Variants in FBXW11 observed in about 807,000 individuals in gnomAD.
FBXW11 encodes F-box and WD repeat domain containing 11.
In FBXW11, 19 loss-of-function variants were observed where a neutral mutation model predicts 77.6. That is an observed-to-expected ratio of 0.24 (90% CI 0.17 to 0.36). FBXW11 has a LOEUF of 0.36. Among genes scored for constraint, FBXW11 ranks in the 10% least tolerant of loss-of-function variants. The pLI is 1.00. For synonymous variants in FBXW11, 235 were observed against 249.4 expected (o/e 0.94, Z 0.54); for missense variants, 334 against 704.2 (o/e 0.47, Z 5.95).
chr5:171,865,243 AC>A (rs1757312200), intron 13 of FBXW11, among the ~76,000 whole-genome samples: 1 of 151,922 alleles, frequency 6.6e-6, no homozygotes, highest in Non-Finnish European at 1.5e-5. Flanking sequence ...GGGCAAAATG[AC>A]CTACATACGC....
intron 1 of FBXW11, among the ~76,000 whole-genome samples, chr5:171,982,356 G>A (rs1031334688): frequency 1.8e-4 from 25 of 141,900 alleles, no homozygotes; most frequent in African/African-American, 1.8e-4. Context: ...TGCAACCTCC[G>A]CCTCCTGGCT....
chr5:171,981,642 C>T (rs561483765), intron 1 of FBXW11, among the ~76,000 whole-genome samples: 1 of 152,264 alleles, frequency 6.6e-6, no homozygotes, highest in East Asian at 1.9e-4. Flanking sequence ...ATGATGTTAG[C>T]GTATAGAAAA....
intron 7 of FBXW11, among the ~76,000 whole-genome samples, chr5:171,878,668 T>C (rs1216996737): frequency 6.6e-6 from 1 of 151,250 alleles, no homozygotes; most frequent in Non-Finnish European, 1.5e-5. Flanking sequence ...TGTGTGCCTG[T>C]AGTCCCAACT....
chr5:171,873,031 G>A (rs1292204030), intron 9 of FBXW11, 41 bp from the exon 10 acceptor site: 4 of 1,504,038 alleles, frequency 2.7e-6, no homozygotes, highest in Non-Finnish European at 3.7e-6. Context: ...ATGAACACAG[G>A]AAAGTCCTCT....
chr5:171,910,753 T>A lies in FBXW11; in HGVS notation c.255A>T (p.Pro85=). Residue 85 remains proline, a synonymous_variant, in exon 4 of 14, where the codon CCA becomes CCT. Transcript: ENST00000517395. Reference sequence around the variant, plus strand: ...TTTCTTTTTGATAGTTTCCTTCTGATGGCCTCTTTCTGGAGACGATCACAG... The same window carrying A: ...TTTCTTTTTGATAGTTTCCTTCTGAAGGCCTCTTTCTGGAGACGATCACAG... The part of the protein sequence containing the change: ...TSSVIVSRKR[P]SEGNYQKEKD... 1 of 1,613,454 alleles carries A rather than the reference T, an allele frequency of 6.2e-7. No homozygotes were observed. The highest frequency in any genetic ancestry group is 8.5e-7 in the Non-Finnish European group (1 of 1,179,758).
intron 13 of FBXW11, among the ~76,000 whole-genome samples, chr5:171,865,809 TAG>T (rs1231741152): frequency 2.0e-5 from 3 of 152,230 alleles, no homozygotes; most frequent in African/African-American, 7.2e-5. Flanking sequence ...ACTCCGCAGA[TAG>T]ATCTACTGCT....
chr5:171,921,399 A>G (rs890242251), intron 2 of FBXW11, among the ~76,000 whole-genome samples: 3 of 152,218 alleles, frequency 2.0e-5, no homozygotes, highest in Admixed American at 1.3e-4. Context: ...TAAGAGTCAC[A>G]CAGCTAGTAA....
intron 2 of FBXW11, among the ~76,000 whole-genome samples, chr5:171,953,490 G>C (rs559795248): frequency 6.6e-6 from 1 of 152,086 alleles, no homozygotes; most frequent in Admixed American, 6.6e-5. Flanking sequence ...TAGACAGACC[G>C]ACCCTGAACA....
chr5:171,987,577 G>A (rs576683982), intron 1 of FBXW11, among the ~76,000 whole-genome samples: 16 of 151,862 alleles, frequency 1.1e-4, no homozygotes, highest in Non-Finnish European at 1.0e-4. Context: ...TCAGCCTCCC[G>A]AGCAGCTGGG....
chr5:171,899,804 T>C, intron 5 of FBXW11, 110 bp downstream of exon 5: 1 of 1,001,214 alleles, frequency 1.0e-6, no homozygotes, highest in Non-Finnish European at 1.5e-6. Context: ...TTTTCCCCCC[T>C]TTTTAAAAAT....
At chr5:171,892,216 A>G (rs1759396772) in intron 6 of FBXW11, among the ~76,000 whole-genome samples, 1 of 152,260 alleles carries the variant, frequency 6.6e-6, no homozygotes, top group Non-Finnish European at 1.5e-5. Context: ...TAAAAAGATC[A>G]ACAGGAGACA....
At chr5:171,945,905 T>C (rs1482016259) in intron 2 of FBXW11, among the ~76,000 whole-genome samples, 2 of 152,222 alleles carry the variant, frequency 1.3e-5, no homozygotes, top group African/African-American at 4.8e-5. Flanking sequence ...TCCAATCTGC[T>C]TGTGATGGTT....
intron 2 of FBXW11, among the ~76,000 whole-genome samples, chr5:171,955,028 GGA>G (rs1313238959): frequency 6.6e-6 from 1 of 152,150 alleles, no homozygotes; most frequent in African/African-American, 2.4e-5. Context: ...TCAGAAAATT[GGA>G]GATAAGAACA....
chr5:171,951,696 G>A (rs746301405), intron 2 of FBXW11, among the ~76,000 whole-genome samples: 1 of 152,000 alleles, frequency 6.6e-6, no homozygotes, highest in Non-Finnish European at 1.5e-5. Context: ...TCACCATGTT[G>A]GTGACCTCAG....
chr5:171,939,259 CA>C (rs1262603427), intron 2 of FBXW11, among the ~76,000 whole-genome samples: 1 of 151,648 alleles, frequency 6.6e-6, no homozygotes, highest in Non-Finnish European at 1.5e-5. Flanking sequence ...CAAAAATAAA[CA>C]AAAACTGAGA....
chr5:171,930,772 A>AT lies in FBXW11; in HGVS notation c.148-16368_148-16367insA, dbSNP rs1762150003. 3.3e-5 allele frequency among the ~76,000 whole-genome samples: 5 copies of AT among 149,974 alleles called. No homozygotes were observed. In the South Asian group the frequency reaches 1.0e-3, roughly 31 times the overall value. On this transcript the variant is annotated intron_variant, in intron 2 of 13. Coordinates refer to ENST00000517395, the MANE Select transcript of FBXW11 (RefSeq NM_001378974.1). ...TAAAAAATAAAAAAATAAAAAAAAA[A>AT]AAAAGAAAAACTGAAAGAATTAACA...
chr5:171,880,559 G>A lies in FBXW11; in HGVS notation c.853-2430C>T, dbSNP rs559301284. On this transcript the variant is annotated intron_variant, in intron 7 of 13. Transcript: ENST00000517395. Reference sequence around the variant, plus strand: ...TCCTCACAATAGTCTTCCTACCCATGAGCATGAAATATCTCTCCCCATTTA... The same window carrying A: ...TCCTCACAATAGTCTTCCTACCCATAAGCATGAAATATCTCTCCCCATTTA... 9.2e-5 allele frequency among the ~76,000 whole-genome samples: 14 copies of A among 152,326 alleles called. 1 individual carries two copies. Among genetic ancestry groups the A allele is most frequent in the Middle Eastern group, 3.4e-3 (1 of 294 alleles).
At chr5:171,931,613 T>C (rs1167604540) in intron 2 of FBXW11, among the ~76,000 whole-genome samples, 1 of 152,228 alleles carries the variant, frequency 6.6e-6, no homozygotes, top group Non-Finnish European at 1.5e-5. Flanking sequence ...CTTAGGTTTG[T>C]TGATTACTTT....
chr5:171,941,162 T>A (rs1762734197), intron 2 of FBXW11, among the ~76,000 whole-genome samples: 1 of 152,178 alleles, frequency 6.6e-6, no homozygotes, highest in African/African-American at 2.4e-5. Context: ...GACATTTCCT[T>A]ACTCAAGTGA....
Sources: gnomAD v4.1 joint callset for allele counts (sites outside exome capture counted in the v4.1 genomes callset) on GRCh38, gnomAD v4.1.1 for gene constraint, MANE v1.5 for transcripts, NCBI Gene and HGNC (gene_info 2026-07-23, HGNC 2026-07-21) for gene names.